The following HSPA12A variants were observed in gnomAD, a reference collection of about 807,000 sequenced individuals.
HSPA12A encodes the protein heat shock 70 kDa protein 12A.
A neutral mutation model predicts 69.2 loss-of-function variants in HSPA12A; 28 were observed. The observed-to-expected ratio is 0.40, with a 90% confidence interval of 0.30 to 0.55. The LOEUF is 0.55. Ranked by LOEUF, HSPA12A falls within the 20% of genes least tolerant of loss-of-function variation. The probability of loss-of-function intolerance (pLI) is 0.38; values close to 1 mark genes in which losing one functional copy is unlikely to be tolerated. For missense variants in HSPA12A, 686 were observed against 900.7 expected, an observed-to-expected ratio of 0.76 and a Z score of 3.05; for synonymous variants, 345 against 370.5, an observed-to-expected ratio of 0.93 and a Z score of 0.79.
At chr10:116,785,093 C>G (rs1844547958) in intron 2 of HSPA12A, among the ~76,000 whole-genome samples, 1 of 152,120 alleles carries the variant, frequency 6.6e-6, no homozygotes, top group African/African-American at 2.4e-5. Flanking sequence ...GGAGACATTT[C>G]CCAGCCTTTG....
intron 2 of HSPA12A, among the ~76,000 whole-genome samples, chr10:116,804,180 A>C (rs1279604489): frequency 6.6e-6 from 1 of 152,074 alleles, no homozygotes; most frequent in African/African-American, 2.4e-5. Context: ...CATTTTCTTA[A>C]GCCACTCATT....
chr10:116,804,308 T>C (rs1017689816), intron 2 of HSPA12A, among the ~76,000 whole-genome samples: 12 of 152,162 alleles, frequency 7.9e-5, no homozygotes, highest in African/African-American at 2.9e-4. Context: ...AACCCATGGT[T>C]AGGGGAACTG....
At chr10:116,815,595 TAAAC>T (rs981770792) in intron 2 of HSPA12A, among the ~76,000 whole-genome samples, 11 of 151,666 alleles carry the variant, frequency 7.3e-5, no homozygotes, top group Non-Finnish European at 1.6e-4. Context: ...ATAAGTAAAA[TAAAC>T]AAATAAGCAA....
intron 1 of HSPA12A, among the ~76,000 whole-genome samples, chr10:116,838,329 C>G (rs1367542077): frequency 6.6e-6 from 1 of 152,154 alleles, no homozygotes; most frequent in African/African-American, 2.4e-5. Context: ...GGGTTGCTGG[C>G]CTGCTGCTGG....
chr10:116,726,748 CG>C (rs1850977178), intron 1 of HSPA12A, among the ~76,000 whole-genome samples: 1 of 152,190 alleles, frequency 6.6e-6, no homozygotes, highest in Non-Finnish European at 1.5e-5. Context: ...GGTGTGCTGT[CG>C]GGCTCACTGT....
chr10:116,849,700 AC>A, exon 1 of HSPA12A: 1 of 1,540,098 alleles, frequency 6.5e-7, no homozygotes, highest in Non-Finnish European at 8.8e-7. Context: ...TCCACCTTCT[AC>A]CTCCAGCCTG....
intron 2 of HSPA12A, among the ~76,000 whole-genome samples, chr10:116,765,920 A>T (rs1844067664): frequency 6.6e-6 from 1 of 152,172 alleles, no homozygotes; most frequent in Non-Finnish European, 1.5e-5. Flanking sequence ...TCCTCTTTGC[A>T]ACCTGGTACT....
chr10:116,726,025 A>G (rs1025383629), intron 1 of HSPA12A, among the ~76,000 whole-genome samples: 11 of 67,932 alleles, frequency 1.6e-4, no homozygotes, highest in East Asian at 1.2e-3. Context: ...ACACACACAC[A>G]CGCACACACA....
Position 116,759,065 on chromosome 10 carries a change from G to A in HSPA12A, c.92-51780C>T, listed in dbSNP as rs1050572698. ...ACCTGAAGAAACAGCACATTCCCTC[G>A]TCTCAGAGAGATGTCAGCCAGCTCT... On this transcript the variant is annotated intron_variant, in intron 2 of 12. Transcript: ENST00000635765. 1.2e-4 allele frequency among the ~76,000 whole-genome samples: 18 copies of A among 152,292 alleles called. No homozygotes were observed. The Middle Eastern group carries it at 0.01, about 86-fold the overall frequency.
intron 2 of HSPA12A, among the ~76,000 whole-genome samples, chr10:116,759,233 A>T (rs998514884): frequency 6.6e-6 from 1 of 152,166 alleles, no homozygotes; most frequent in African/African-American, 2.4e-5. Context: ...ACTCAATAAC[A>T]AGTCATTTCA....
intron 2 of HSPA12A, among the ~76,000 whole-genome samples, chr10:116,809,266 G>A (rs1157644579): frequency 6.6e-6 from 1 of 152,148 alleles, no homozygotes; most frequent in East Asian, 1.9e-4. Flanking sequence ...CCACCACTGA[G>A]GCTACTCATG....
intron 2 of HSPA12A, among the ~76,000 whole-genome samples, chr10:116,796,145 C>CAAAAAAAAAAAAAAA (rs10522145): frequency 2.7e-5 from 3 of 110,698 alleles, no homozygotes; most frequent in Non-Finnish European, 3.4e-5. Context: ...AAGACTCCAT[C>CAAAAAAAAAAAAAAA]AAAAAAAAAA....
At chr10:116,768,226 C>T (rs1045823008) in intron 2 of HSPA12A, among the ~76,000 whole-genome samples, 37 of 152,298 alleles carry the variant, frequency 2.4e-4, no homozygotes, top group African/African-American at 7.7e-4. Flanking sequence ...GAAAACATTA[C>T]GCTAAGTGAA....
intron 2 of HSPA12A, among the ~76,000 whole-genome samples, chr10:116,748,100 AACTCAGCCCCCTG>A (rs1361815621): frequency 6.6e-6 from 1 of 152,234 alleles, no homozygotes; most frequent in Non-Finnish European, 1.5e-5. Context: ...GCTACGGTCA[AACTCAGCCCCCTG>A]ACTCCCAGCC....
At chr10:116,788,173 C>T (rs754025215) in intron 2 of HSPA12A, among the ~76,000 whole-genome samples, 15 of 152,192 alleles carry the variant, frequency 9.9e-5, no homozygotes, top group Non-Finnish European at 1.6e-4. Flanking sequence ...CAAAGCACAT[C>T]CTGCAAAATT....
chr10:116,841,345 A>G (rs1158904541), intron 1 of HSPA12A, among the ~76,000 whole-genome samples: 1 of 152,186 alleles, frequency 6.6e-6, no homozygotes, highest in African/African-American at 2.4e-5. Context: ...TTTCTCCTTC[A>G]AGTATTAATG....
chr10:116,815,750 A>G (rs2133190177), intron 2 of HSPA12A, among the ~76,000 whole-genome samples: 1 of 152,296 alleles, frequency 6.6e-6, no homozygotes, highest in African/African-American at 2.4e-5. Flanking sequence ...GCTGCCAGCC[A>G]CAAATCCTTC....
chr10:116,760,952 A>G (rs1843956739), intron 2 of HSPA12A, among the ~76,000 whole-genome samples: 1 of 152,234 alleles, frequency 6.6e-6, no homozygotes, highest in Non-Finnish European at 1.5e-5. Flanking sequence ...TATGCGCTCA[A>G]CTAGAGAAGC....
At chr10:116,775,303 T>C (rs908669113) in intron 2 of HSPA12A, among the ~76,000 whole-genome samples, 17 of 152,138 alleles carry the variant, frequency 1.1e-4, no homozygotes, top group African/African-American at 2.9e-4. Context: ...CAGGGCCACA[T>C]AGCCAGTGAG....
Sources: allele counts gnomAD v4.1 joint callset (sites outside exome capture counted in the v4.1 genomes callset), GRCh38; gene constraint gnomAD v4.1.1; transcripts MANE v1.5; gene names NCBI Gene and HGNC (gene_info 2026-07-23, HGNC 2026-07-21).